AOPEP: variants seen among roughly 807,000 people sequenced by gnomAD.
AOPEP encodes aminopeptidase O (putative).
AOPEP carries 77 observed loss-of-function variants against 98.1 expected under a neutral mutation model. That is an observed-to-expected ratio of 0.78 (90% CI 0.65 to 0.95). The LOEUF is 0.95. Among genes scored for constraint, AOPEP ranks in the 40% least tolerant of loss-of-function variants. The probability of loss-of-function intolerance (pLI) is 0.00; values close to 1 mark genes in which losing one functional copy is unlikely to be tolerated. For synonymous variants in AOPEP, 346 were observed against 365.3 expected (o/e 0.95, Z 0.60); for missense variants, 1,024 against 1,024.7 (o/e 1.00, Z 0.01).
At chr9:94,794,415 G>A (rs1391926711) in intron 4 of AOPEP, among the ~76,000 whole-genome samples, 1 of 152,162 alleles carries the variant, frequency 6.6e-6, no homozygotes, top group Non-Finnish European at 1.5e-5. Flanking sequence ...ACCAGCTAAG[G>A]TATACTCCTA....
intron 9 of AOPEP, among the ~76,000 whole-genome samples, chr9:94,960,412 GAAAA>G (rs771958751): frequency 7.5e-6 from 1 of 132,528 alleles, no homozygotes; most frequent in Non-Finnish European, 1.6e-5. Context: ...CCATCTCAGG[GAAAA>G]AAAAAAAAAA....
chr9:94,911,793 C>G (rs2052076036), intron 5 of AOPEP, among the ~76,000 whole-genome samples: 1 of 152,212 alleles, frequency 6.6e-6, no homozygotes, highest in Admixed American at 6.5e-5. Flanking sequence ...AGAGCTCTAA[C>G]TTCATCTTTG....
At chr9:95,044,263 A>G (rs1214458453) in intron 13 of AOPEP, among the ~76,000 whole-genome samples, 2 of 152,096 alleles carry the variant, frequency 1.3e-5, no homozygotes, top group Non-Finnish European at 2.9e-5. Flanking sequence ...AGTTGATTCT[A>G]TTTTAACATA....
intron 13 of AOPEP, among the ~76,000 whole-genome samples, chr9:95,021,127 G>A (rs962326208): frequency 2.6e-5 from 4 of 152,006 alleles, no homozygotes; most frequent in African/African-American, 9.7e-5. Context: ...TAGAGTTTCT[G>A]CAGTCTGTCT....
intron 3 of AOPEP, among the ~76,000 whole-genome samples, chr9:94,779,025 TA>T (rs762744498): frequency 0.013 from 1,771 of 140,126 alleles, 15 homozygotes; most frequent in Non-Finnish European, 0.019. Context: ...TGATACTGTC[TA>T]AAAAAAAAAA....
chr9:94,990,619 AT>A (rs1394385280), intron 11 of AOPEP, among the ~76,000 whole-genome samples: 1 of 140,908 alleles, frequency 7.1e-6, no homozygotes, highest in East Asian at 2.4e-4. Flanking sequence ...AATTTAATTA[AT>A]TAATTAATTA....
intron 11 of AOPEP, among the ~76,000 whole-genome samples, chr9:94,998,225 G>GT (rs1402285584): frequency 6.6e-6 from 1 of 151,348 alleles, no homozygotes; most frequent in Non-Finnish European, 1.5e-5. Flanking sequence ...TAGATGTTCC[G>GT]TAAGTACTCA....
intron 5 of AOPEP, among the ~76,000 whole-genome samples, chr9:94,845,770 G>A (rs907822326): frequency 2.0e-5 from 3 of 152,090 alleles, no homozygotes; most frequent in Middle Eastern, 3.2e-3. Flanking sequence ...GAATAAGGTT[G>A]TAGGAGAAAA....
In AOPEP at chr9:94,955,223, G is replaced by A. The variant is rs752922095; in HGVS notation, c.1708G>A (p.Val570Ile). Residue 570 changes from valine (V) to isoleucine (I), a missense_variant, in exon 8 of 17, where the codon GTT becomes ATT. Physicochemically the swap from Val to Ile is conservative, Grantham distance 29. Around this residue, in one of 3 missense-constraint regions of AOPEP, gnomAD observed 566 missense variants for 551.7 expected, o/e 1.03. Coordinates refer to ENST00000375315, the MANE Select transcript of AOPEP (RefSeq NM_001193329.3). The stretch of plus-strand genomic sequence containing the variant: ...CCACACAAGTGACTCGGGAGCATCT[G>A]TTATCAAGCATGGACTTAATCCGGA... The part of the protein sequence containing the change: ...TGHTSDSGAS[V>I]IKHGLNPEKI... The A allele has an allele frequency of 1.2e-5, 20 of 1,613,664 alleles. No homozygotes were observed. Among genetic ancestry groups the A allele is most frequent in the Non-Finnish European group, 1.7e-5 (20 of 1,179,946 alleles).
the AOPEP span, chr9:95,114,461 C>T: frequency 1.8e-5 from 13 of 721,930 alleles, no homozygotes; most frequent in African/African-American, 1.2e-4. Flanking sequence ...CCAAGCCATC[C>T]GTGCAGCCAT....
chr9:94,820,038 C>T (rs548592154), intron 5 of AOPEP, among the ~76,000 whole-genome samples: 32 of 149,128 alleles, frequency 2.1e-4, no homozygotes, highest in African/African-American at 7.1e-4. Context: ...CTCTGTCTCC[C>T]GGGTTTAAGT....
At chr9:94,964,924 A>C (rs555201289) in intron 9 of AOPEP, among the ~76,000 whole-genome samples, 13 of 152,208 alleles carry the variant, frequency 8.5e-5, no homozygotes, top group South Asian at 2.1e-4. Flanking sequence ...CAGGCGTGAG[A>C]CACCACACCC....
At chr9:95,131,905 A>G in the AOPEP span, among the ~76,000 whole-genome samples, 1 of 152,218 alleles carries the variant, frequency 6.6e-6, no homozygotes, top group Non-Finnish European at 1.5e-5. Context: ...ATGAGGGAAA[A>G]AAACACAACC....
At chr9:94,933,281 T>A (rs2055678954) in intron 7 of AOPEP, 1 of 985,386 alleles carries the variant, frequency 1.0e-6, no homozygotes, top group Admixed American at 6.1e-5. Flanking sequence ...TCCGGCAGCT[T>A]CTGCCTAAGT....
At chr9:94,989,796 C>T (rs528539545) in intron 11 of AOPEP, among the ~76,000 whole-genome samples, 7 of 149,778 alleles carry the variant, frequency 4.7e-5, no homozygotes, top group Admixed American at 6.7e-5. Flanking sequence ...ATTTTTATAG[C>T]GACAGGGTTT....
At chr9:95,065,552 C>T (rs1336303363) in intron 14 of AOPEP, 2 of 152,272 alleles carry the variant, frequency 1.3e-5, no homozygotes, top group African/African-American at 2.4e-5. Context: ...AGCTGGCTCA[C>T]CACGTCATCA....
intron 1 of AOPEP, among the ~76,000 whole-genome samples, chr9:94,728,239 G>GCGCGCGCGCACACACACACACACACA: frequency 1.4e-5 from 2 of 146,606 alleles, no homozygotes; most frequent in South Asian, 2.2e-4. Flanking sequence ...GTGCGCGCAT[G>GCGCGCGCGCACACACACACACACACA]CACACACACA....
At chr9:94,840,253 A>T (rs1269885148) in intron 5 of AOPEP, among the ~76,000 whole-genome samples, 1 of 152,178 alleles carries the variant, frequency 6.6e-6, no homozygotes, top group Admixed American at 6.5e-5. Flanking sequence ...AATTGACAGG[A>T]TCTATGATTT....
At position 95,039,434 on chromosome 9, in the gene AOPEP, T is replaced by C. The variant is rs114349960; in HGVS notation, c.2116-21260T>C. Among the ~76,000 whole-genome samples, 907 of 152,082 alleles carry C rather than the reference T, an allele frequency of 6.0e-3. 11 individuals carry two copies. The highest frequency in any genetic ancestry group is 0.021 in the African/African-American group (877 of 41,460). On this transcript the variant is annotated intron_variant, in intron 13 of 16. Transcript: ENST00000375315. Reference sequence around the variant, plus strand: ...AAAATACTAAAAAATGATGCAAGTGTGATGGTGCACACCTGTAGTTCCAGC... The same window carrying C: ...AAAATACTAAAAAATGATGCAAGTGCGATGGTGCACACCTGTAGTTCCAGC...
Sources: gnomAD v4.1 joint callset for allele counts (sites outside exome capture counted in the v4.1 genomes callset) on GRCh38, gnomAD v4.1.1 for gene constraint, gnomAD v4.1.1 regional missense constraint, MANE v1.5 for transcripts, NCBI Gene and HGNC (gene_info 2026-07-23, HGNC 2026-07-21) for gene names.